The following CPVL variants were observed in gnomAD, a reference collection of about 807,000 sequenced individuals.
CPVL encodes probable serine carboxypeptidase CPVL.
Under a neutral mutation model 63.7 loss-of-function variants are expected in CPVL, and 51 were observed. The ratio of observed to expected loss-of-function variants is 0.80; its 90% CI spans 0.64 to 1.01. The LOEUF (loss-of-function observed/expected upper bound fraction) is 1.01. Ranked by LOEUF, CPVL falls within the 50% of genes least tolerant of loss-of-function variation. CPVL has a pLI of 0.00. For synonymous variants in CPVL, 195 were observed against 206.0 expected (o/e 0.95, Z 0.46); for missense variants, 530 against 573.1 (o/e 0.92, Z 0.77).
At chr7:29,148,157 G>A (rs935388410), upstream of CPVL, among the ~76,000 whole-genome samples, 31 of 152,316 alleles carry the variant, frequency 2.0e-4, no homozygotes, top group Admixed American at 3.3e-4. Context: ...CCTTGAAGCA[G>A]GCTCAGTGCC....
At chr7:29,105,687 T>C (rs1211996336) in intron 3 of CPVL, among the ~76,000 whole-genome samples, 1 of 152,126 alleles carries the variant, frequency 6.6e-6, no homozygotes, top group African/African-American at 2.4e-5. Flanking sequence ...AACATTCACC[T>C]TTAATTCTGT....
upstream of CPVL, among the ~76,000 whole-genome samples, chr7:29,149,215 CAG>C (rs796890637): frequency 0.012 from 1,081 of 89,072 alleles, 17 homozygotes; most frequent in African/African-American, 0.045. Context: ...TTTTTTGAGA[CAG>C]AGTCTTACTG....
At chr7:29,005,623 A>G (rs998913188) in intron 12 of CPVL, among the ~76,000 whole-genome samples, 3 of 152,130 alleles carry the variant, frequency 2.0e-5, no homozygotes, top group Non-Finnish European at 4.4e-5. Context: ...CCCTTTCACC[A>G]CATGCAATGC....
At chr7:29,136,878 A>C (rs1035114771) in intron 1 of CPVL, among the ~76,000 whole-genome samples, 3 of 152,088 alleles carry the variant, frequency 2.0e-5, no homozygotes, top group Non-Finnish European at 2.9e-5. Flanking sequence ...TGTATTCTTT[A>C]TTTATCCATT....
chr7:29,021,354 C>T (rs1312554197), intron 12 of CPVL, among the ~76,000 whole-genome samples: 1 of 152,086 alleles, frequency 6.6e-6, no homozygotes, highest in Non-Finnish European at 1.5e-5. Flanking sequence ...GGAGGGGCTT[C>T]AAGATGGCTG....
In CPVL at chr7:29,066,028, A is replaced by T. The variant is rs1584151718; in HGVS notation, c.958T>A (p.Cys320Ser). The change falls in exon 10 of 13, where the codon TGC becomes AGC. Residue 320 changes from cysteine to serine, a missense_variant. Physicochemically the swap from Cys to Ser is moderately radical, Grantham distance 112 (BLOSUM62 -1). Transcript: ENST00000265394. ...GGTTTTTAAAATGTCATTACCGTGCACCGCAAAAAGTTATAGTAATTACTA... is the reference window on the plus strand; with the variant it reads ...GGTTTTTAAAATGTCATTACCGTGCTCCGCAAAAAGTTATAGTAATTACTA... Reference protein sequence around the residue: ...GCSNYYNFLRCTEPEDQLYYV... With the variant: ...GCSNYYNFLRSTEPEDQLYYV... 6.3e-7 allele frequency: 1 copy of T among 1,577,118 alleles called. No individual in the cohort carries two copies. The highest frequency in any genetic ancestry group is 1.4e-5 in the African/African-American group (1 of 73,730).
intron 1 of CPVL, among the ~76,000 whole-genome samples, chr7:29,187,345 C>CTGTGTG (rs35253523): frequency 6.7e-6 from 1 of 149,242 alleles, no homozygotes. Flanking sequence ...GTTTGTGTGT[C>CTGTGTG]TGTGTGTGTG....
chr7:29,172,875 C>T (rs1796787388), intron 5 of CPVL, among the ~76,000 whole-genome samples: 1 of 151,812 alleles, frequency 6.6e-6, no homozygotes, highest in African/African-American at 2.4e-5. Flanking sequence ...AGTGTGGTAG[C>T]TCACCAGCGT....
intron 2 of CPVL, among the ~76,000 whole-genome samples, chr7:29,118,458 G>A (rs190752500): frequency 1.8e-3 from 277 of 152,312 alleles, no homozygotes; most frequent in African/African-American, 6.1e-3. Context: ...CAGCCCATAT[G>A]GTGGGGCAGC....
chr7:29,126,514 T>G (rs1417079722), intron 1 of CPVL: 1 of 152,178 alleles, frequency 6.6e-6, no homozygotes, highest in Non-Finnish European at 1.5e-5. Flanking sequence ...TAATCAGATT[T>G]GCAAGACCTC....
At chr7:29,101,933 C>T (rs1253464561) in intron 3 of CPVL, among the ~76,000 whole-genome samples, 1 of 151,948 alleles carries the variant, frequency 6.6e-6, no homozygotes, top group Admixed American at 6.6e-5. Flanking sequence ...CTCTTTATAT[C>T]AATACATATC....
At chr7:29,140,597 A>G (rs1336969113) in intron 1 of CPVL, among the ~76,000 whole-genome samples, 1 of 152,182 alleles carries the variant, frequency 6.6e-6, no homozygotes, top group Non-Finnish European at 1.5e-5. Flanking sequence ...CCCCATTCAC[A>G]ATGCAAATCC....
At chr7:29,100,644 A>AT (rs1412560726) in intron 3 of CPVL, among the ~76,000 whole-genome samples, 17 of 152,268 alleles carry the variant, frequency 1.1e-4, no homozygotes, top group African/African-American at 4.1e-4. Flanking sequence ...TCAGTGCCAA[A>AT]TATCTTTATT....
chr7:29,183,675 C>A (rs1319100266), intron 4 of CPVL, among the ~76,000 whole-genome samples: 3 of 152,144 alleles, frequency 2.0e-5, no homozygotes, highest in East Asian at 1.9e-4. Flanking sequence ...CCACACCTGG[C>A]CCAGAATTTT....
chr7:29,064,983 T>C (rs566720288), intron 10 of CPVL, among the ~76,000 whole-genome samples: 8 of 150,388 alleles, frequency 5.3e-5, no homozygotes, highest in African/African-American at 2.0e-4. Context: ...AAGGGGAAAA[T>C]ATGTCAAATG....
chr7:29,146,460 G>A lies in CPVL; in HGVS notation c.-42C>T. ...CAGTCGGTGCTCCTCCCTGAGCCGC[G>A]GCGCGCAAGGACCCCAGCCGGTTGT... On this transcript the variant is annotated 5_prime_UTR_variant, in exon 1 of 13. Transcript: ENST00000265394. 1 of 1,393,256 alleles carries A rather than the reference G, an allele frequency of 7.2e-7. No homozygotes were observed. Among genetic ancestry groups the A allele is most frequent in the Non-Finnish European group, 9.5e-7 (1 of 1,056,908 alleles). The allele number at this position is 1,393,256 out of a possible 1,614,324, so 86.3% of individuals were successfully genotyped here.
chr7:29,121,990 G>A (rs1263102688), intron 1 of CPVL, among the ~76,000 whole-genome samples: 1 of 152,154 alleles, frequency 6.6e-6, no homozygotes, highest in Non-Finnish European at 1.5e-5. Flanking sequence ...CAGATCTGAT[G>A]TTTGCTTAGA....
At chr7:29,135,820 T>C (rs1791159585) in intron 1 of CPVL, among the ~76,000 whole-genome samples, 1 of 152,184 alleles carries the variant, frequency 6.6e-6, no homozygotes, top group Non-Finnish European at 1.5e-5. Flanking sequence ...CACCTTAGCC[T>C]CCCAGAGTGC....
intron 12 of CPVL, among the ~76,000 whole-genome samples, chr7:28,999,409 A>C (rs1784391894): frequency 6.6e-6 from 1 of 152,182 alleles, no homozygotes; most frequent in Non-Finnish European, 1.5e-5. Flanking sequence ...GTTGAAAACC[A>C]CTGTTGAGAA....
Sources: gnomAD v4.1 joint callset for allele counts (sites outside exome capture counted in the v4.1 genomes callset) on GRCh38, gnomAD v4.1.1 for gene constraint, MANE v1.5 for transcripts, NCBI Gene and HGNC (gene_info 2026-07-23, HGNC 2026-07-21) for gene names.